Variants in CACNG4 observed in about 807,000 individuals in gnomAD.
CACNG4 encodes the protein calcium voltage-gated channel auxiliary subunit gamma 4, also known as voltage-dependent calcium channel gamma-4 subunit.
Under a neutral mutation model 22.9 loss-of-function variants are expected in CACNG4, and 8 were observed. The observed-to-expected ratio is 0.35, with a 90% CI of 0.21 to 0.63. The LOEUF is 0.63. Among genes scored for constraint, CACNG4 ranks in the 30% least tolerant of loss-of-function variants. The pLI is 0.72. For missense variants in CACNG4, 357 were observed against 455.4 expected, an observed-to-expected ratio of 0.78 and a Z score of 1.97; for synonymous variants, 188 against 191.9, an observed-to-expected ratio of 0.98 and a Z score of 0.17.
At chr17:66,974,737 T>C (rs764046864) in intron 1 of CACNG4, among the ~76,000 whole-genome samples, 14 of 152,290 alleles carry the variant, frequency 9.2e-5, no homozygotes, top group South Asian at 4.1e-4. Context: ...GGGACCCTTC[T>C]GGTGAAGCAC....
intron 1 of CACNG4, among the ~76,000 whole-genome samples, chr17:66,991,650 TG>T (rs930430795): frequency 3.3e-5 from 5 of 152,178 alleles, no homozygotes; most frequent in African/African-American, 1.2e-4. Context: ...CCCATCCTGA[TG>T]GGGAACCATC....
At chr17:66,972,039 A>G (rs1466757730) in intron 1 of CACNG4, among the ~76,000 whole-genome samples, 1 of 152,160 alleles carries the variant, frequency 6.6e-6, no homozygotes, top group African/African-American at 2.4e-5. Context: ...AGATGGGAGA[A>G]GTGGAGGGAT....
chr17:67,001,549 C>T lies in CACNG4; in HGVS notation c.221-16640C>T, dbSNP rs571939133. On this transcript the variant is annotated intron_variant, in intron 1 of 3. Transcript: ENST00000262138. ...TCCTCTGAGTAGCCTCCCTGACCCG[C>T]TTACAGGCTATCCCAGGCCCCCTCA... Among the ~76,000 whole-genome samples the T allele has an allele frequency of 5.9e-5, 9 of 152,312 alleles. No individual in the cohort carries two copies. The East Asian group carries it at 1.5e-3, about 26-fold the overall frequency.
At chr17:66,993,080 C>A (rs1049501583) in intron 1 of CACNG4, among the ~76,000 whole-genome samples, 1 of 152,280 alleles carries the variant, frequency 6.6e-6, no homozygotes, top group Non-Finnish European at 1.5e-5. Context: ...CTCAGGGTGG[C>A]ACCTGTGGTG....
At chr17:67,021,932 C>T (rs923647692) in intron 2 of CACNG4, among the ~76,000 whole-genome samples, 6 of 152,176 alleles carry the variant, frequency 3.9e-5, no homozygotes, top group Non-Finnish European at 5.9e-5. Context: ...CACCACTGTC[C>T]GTGGCAATCC....
chr17:67,016,141 G>C (rs751097364), intron 1 of CACNG4, among the ~76,000 whole-genome samples: 1 of 152,154 alleles, frequency 6.6e-6, no homozygotes, highest in East Asian at 1.9e-4. Context: ...CCATGGGCCC[G>C]GAATCACCCT....
At chr17:66,999,289 G>A (rs2143322599) in intron 1 of CACNG4, among the ~76,000 whole-genome samples, 1 of 151,996 alleles carries the variant, frequency 6.6e-6, no homozygotes, top group South Asian at 2.1e-4. Flanking sequence ...TGGTGGTGGT[G>A]GTGGTGGTGG....
chr17:66,967,076 CA>C (rs921776079), intron 1 of CACNG4, among the ~76,000 whole-genome samples: 4 of 152,092 alleles, frequency 2.6e-5, no homozygotes, highest in African/African-American at 9.7e-5. Flanking sequence ...TCCAGTTTCC[CA>C]GTGGAAATTC....
intron 3 of CACNG4, among the ~76,000 whole-genome samples, chr17:67,026,350 C>T (rs1026003785): frequency 1.6e-5 from 2 of 128,910 alleles, no homozygotes; most frequent in Admixed American, 7.8e-5. Context: ...TGTGTGTGAG[C>T]ATGGTGTGTG....
intron 2 of CACNG4, among the ~76,000 whole-genome samples, chr17:67,024,146 A>G (rs1008694837): frequency 6.6e-6 from 1 of 151,614 alleles, no homozygotes; most frequent in Non-Finnish European, 1.5e-5. Flanking sequence ...GCCCAGCCAC[A>G]CCTCCCCTGC....
chr17:67,030,721 C>A lies in CACNG4; in HGVS notation c.701C>A (p.Pro234Gln). 1 of 1,614,206 alleles carries A rather than the reference C, an allele frequency of 6.2e-7. No individual in the cohort carries two copies. Among genetic ancestry groups the A allele is most frequent in the Non-Finnish European group, 8.5e-7 (1 of 1,180,038 alleles). ...TCCTCTTCTCCTTATGCCAGGATGC[C>A]GAGCTACAGGTACCGGCGACGGCGC... is the stretch of plus-strand genomic sequence containing the variant. ...ASSSSPYARM[P>Q]SYRYRRRRSR... The change falls in exon 4 of 4, where the codon CCG becomes CAG. Residue 234 changes from proline (P) to glutamine (Q), a missense_variant. Coordinates refer to ENST00000262138, the MANE Select transcript of CACNG4 (RefSeq NM_014405.4). This position sits in a 1 kb window ranked among gnomAD's most constrained non-coding sequence, Gnocchi z 6.4.
In CACNG4 at chr17:66,977,974, C is replaced by T. The variant is rs181321654; in HGVS notation, c.220+12843C>T. Among the ~76,000 whole-genome samples, 4 of 152,296 alleles carry T rather than the reference C, an allele frequency of 2.6e-5. No homozygotes were observed. The East Asian group carries it at 7.7e-4, about 29-fold the overall frequency. On this transcript the variant is annotated intron_variant, in intron 1 of 3. Coordinates refer to ENST00000262138, the MANE Select transcript of CACNG4 (RefSeq NM_014405.4). ...ACGTTAGGGGCTCCTCCCGGACGCC[C>T]TAAGGAGGCCTATCCCATAGGGTTG...
chr17:67,030,850 A>G lies in CACNG4; in HGVS notation c.830A>G (p.Tyr277Cys). 1 of 1,613,680 alleles carries G rather than the reference A, an allele frequency of 6.2e-7. No individual in the cohort carries two copies. The change falls in exon 4 of 4, where the codon TAC becomes TGC. Residue 277 changes from tyrosine to cysteine, a missense_variant. Physicochemically the swap from Tyr to Cys is radical, Grantham distance 194 (BLOSUM62 -2). This residue lies in a region of CACNG4 where 240 missense variants were observed against 277.6 expected (regional missense o/e 0.86). Transcript: ENST00000262138. The surrounding 1 kb of genome is among the most constrained non-coding windows in gnomAD (Gnocchi z 6.4). Reference protein sequence around the residue: ...GAIPMGELSMYTLSREPLKVT... With the variant: ...GAIPMGELSMCTLSREPLKVT... ...ATCCCCATGGGGGAGCTGTCCATGT[A>G]CACGCTGTCCAGGGAGCCCCTCAAG...
At position 67,030,560 on chromosome 17, in the gene CACNG4, C is replaced by G; in HGVS notation, c.540C>G (p.Asn180Lys). ...KRDEDKKNHY[N>K]YGWSFYFGAL... ...ACGAAGACAAAAAGAACCATTACAA[C>G]TACGGCTGGTCTTTTTACTTTGGAG... Residue 180 changes from asparagine to lysine, a missense_variant, in exon 4 of 4, where the codon AAC becomes AAG. Around this residue, in one of 3 missense-constraint regions of CACNG4, gnomAD observed 240 missense variants for 277.6 expected, o/e 0.86. Transcript: ENST00000262138. This position sits in a 1 kb window ranked among gnomAD's most constrained non-coding sequence, Gnocchi z 6.4. 2 of 1,614,242 alleles carry G rather than the reference C, an allele frequency of 1.2e-6. No individual in the cohort carries two copies. The highest frequency in any genetic ancestry group is 1.7e-6 in the Non-Finnish European group (2 of 1,180,056).
rs1204377096 is a variant in CACNG4, at chr17:67,030,453, G to C, written c.446-13G>C. 1.9e-6 allele frequency: 3 copies of C among 1,610,624 alleles called. No individual in the cohort carries two copies. The South Asian group carries it at 3.3e-5, about 18-fold the overall frequency. ...TCCCTGGCCCCGCTCCCCGCTCCCC[G>C]CTTCCCTTTCAGGCCTCAGTAACAT... On this transcript the variant is annotated splice_polypyrimidine_tract_variant and intron_variant, in intron 3 of 3. Transcript: ENST00000262138. This position sits in a 1 kb window ranked among gnomAD's most constrained non-coding sequence, Gnocchi z 6.4.
chr17:66,977,480 G>A (rs2035245161), intron 1 of CACNG4, among the ~76,000 whole-genome samples: 1 of 152,194 alleles, frequency 6.6e-6, no homozygotes, highest in African/African-American at 2.4e-5. Context: ...TCTGCCCTGT[G>A]TTAGCTCTGT....
At position 67,027,661 on chromosome 17, in the gene CACNG4, A is replaced by C. The variant is rs76370165; in HGVS notation, c.445+2661A>C. On this transcript the variant is annotated intron_variant, in intron 3 of 3. Transcript: ENST00000262138. This position sits in a 1 kb window ranked among gnomAD's most constrained non-coding sequence, Gnocchi z 4.3. ...TTGTTATTTAAGAAACCCTTTTCCA[A>C]CTCGTGCTGAATACAGAGAGGGGAA... is the stretch of plus-strand genomic sequence containing the variant. Among the ~76,000 whole-genome samples the C allele has an allele frequency of 2.6e-3, 401 of 152,248 alleles. 2 individuals are homozygous for C. The highest frequency in any genetic ancestry group is 1.0e-2 in the South Asian group (48 of 4,820).
intron 1 of CACNG4, among the ~76,000 whole-genome samples, chr17:67,003,512 G>C (rs1205048398): frequency 2.0e-5 from 3 of 152,164 alleles, no homozygotes; most frequent in Non-Finnish European, 4.4e-5. Flanking sequence ...AGAAGGGGAA[G>C]ACTCAGTTCT....
intron 3 of CACNG4, among the ~76,000 whole-genome samples, chr17:67,028,663 T>G (rs564119520): frequency 6.6e-6 from 1 of 152,214 alleles, no homozygotes; most frequent in South Asian, 2.1e-4. Flanking sequence ...ATCAGCTCAT[T>G]TAATCCTCAC....
Sources: gnomAD v4.1 joint callset for allele counts (sites outside exome capture counted in the v4.1 genomes callset) on GRCh38, gnomAD v4.1.1 for gene constraint, gnomAD v4.1.1 regional missense constraint, Gnocchi (gnomAD v3.1) non-coding constraint, MANE v1.5 for transcripts, NCBI Gene and HGNC (gene_info 2026-07-23, HGNC 2026-07-21) for gene names.